PTPRD: variants seen among roughly 807,000 people sequenced by gnomAD.
The protein encoded by PTPRD is protein tyrosine phosphatase receptor type D, also known as receptor-type tyrosine-protein phosphatase delta.
A neutral mutation model predicts 214.5 loss-of-function variants in PTPRD; 34 were observed. That is an observed-to-expected ratio of 0.16 (90% CI 0.12 to 0.21). The LOEUF (loss-of-function observed/expected upper bound fraction) is 0.21. Among genes scored for constraint, PTPRD ranks in the 10% least tolerant of loss-of-function variants. PTPRD has a pLI of 1.00. For synonymous variants in PTPRD, 1,128 were observed against 845.7 expected (o/e 1.33, Z -5.79); for missense variants, 2,545 against 2,398.7 (o/e 1.06, Z -1.27).
At chr9:10,554,611 A>G (rs2062051036) in intron 2 of PTPRD, among the ~76,000 whole-genome samples, 1 of 151,974 alleles carries the variant, frequency 6.6e-6, no homozygotes, top group African/African-American at 2.4e-5. Context: ...ACATTTTTAT[A>G]CATCCCTAAA....
intron 11 of PTPRD, among the ~76,000 whole-genome samples, chr9:8,919,850 C>A (rs895902033): frequency 1.4e-4 from 21 of 150,850 alleles, no homozygotes; most frequent in African/African-American, 4.7e-4. Context: ...GTGCATGTAT[C>A]ATGCATACAT....
At chr9:8,783,264 T>A (rs1334003398) in intron 11 of PTPRD, among the ~76,000 whole-genome samples, 1 of 152,220 alleles carries the variant, frequency 6.6e-6, no homozygotes, top group East Asian at 1.9e-4. Context: ...AGTGAATGAA[T>A]AATGACATAA....
intron 11 of PTPRD, among the ~76,000 whole-genome samples, chr9:8,993,603 A>T (rs1370992193): frequency 2.0e-5 from 3 of 152,124 alleles, no homozygotes; most frequent in Non-Finnish European, 4.4e-5. Flanking sequence ...ATTTTCAGGG[A>T]AAATCAACTA....
At chr9:10,057,849 A>AG (rs1267114765) in intron 3 of PTPRD, among the ~76,000 whole-genome samples, 3 of 115,364 alleles carry the variant, frequency 2.6e-5, no homozygotes, top group African/African-American at 1.5e-4. Context: ...CTCAAAAAAA[A>AG]ACAAAAAAAA....
At chr9:9,228,510 C>CAT (rs2099961000) in intron 9 of PTPRD, among the ~76,000 whole-genome samples, 2 of 151,882 alleles carry the variant, frequency 1.3e-5, no homozygotes, top group South Asian at 2.1e-4. Flanking sequence ...TGTGTGTGAT[C>CAT]ATATATATAA....
At position 8,831,552 on chromosome 9, in the gene PTPRD, T is replaced by C. The variant is rs555300686; in HGVS notation, c.-103-97606A>G. On this transcript the variant is annotated intron_variant, in intron 11 of 45. Transcript: ENST00000381196. ...ATTCAATAAAACCAGTCATTTCAAA[T>C]AGAAAGAGAAACAACTGGGTGAGCA... Among the ~76,000 whole-genome samples, 5 of 152,250 alleles carry C rather than the reference T, an allele frequency of 3.3e-5. No homozygotes were observed. In the South Asian group the frequency reaches 6.2e-4, roughly 19 times the overall value.
At chr9:9,958,439 G>A (rs191857842) in intron 4 of PTPRD, among the ~76,000 whole-genome samples, 93 of 152,256 alleles carry the variant, frequency 6.1e-4, no homozygotes, top group Non-Finnish European at 1.0e-3. Context: ...ACTGAGGCAG[G>A]AGAATTGCTT....
intron 3 of PTPRD, among the ~76,000 whole-genome samples, chr9:10,215,449 T>C (rs1278881876): frequency 1.3e-5 from 2 of 152,122 alleles, no homozygotes; most frequent in African/African-American, 4.8e-5. Flanking sequence ...AAATTTAACC[T>C]CGTGAGACAC....
intron 2 of PTPRD, among the ~76,000 whole-genome samples, chr9:10,560,447 T>A (rs970812084): frequency 6.6e-6 from 1 of 152,028 alleles, no homozygotes; most frequent in African/African-American, 2.4e-5. Context: ...CTGGGAGATA[T>A]ACCTAATGCT....
chr9:8,844,777 G>A (rs1160336416), intron 11 of PTPRD, among the ~76,000 whole-genome samples: 1 of 152,186 alleles, frequency 6.6e-6, no homozygotes, highest in Non-Finnish European at 1.5e-5. Flanking sequence ...TCAATTAACT[G>A]TGGAGCAAAG....
At chr9:9,503,655 G>A (rs2096491574) in intron 8 of PTPRD, among the ~76,000 whole-genome samples, 1 of 151,754 alleles carries the variant, frequency 6.6e-6, no homozygotes, top group Non-Finnish European at 1.5e-5. Context: ...CAAGACTATG[G>A]TAGAAGTGTG....
At chr9:8,562,142 G>A (rs1042437217) in intron 14 of PTPRD, among the ~76,000 whole-genome samples, 2 of 152,114 alleles carry the variant, frequency 1.3e-5, no homozygotes, top group African/African-American at 4.8e-5. Context: ...GACAGATTCT[G>A]ATTTTCCCAT....
intron 9 of PTPRD, among the ~76,000 whole-genome samples, chr9:9,298,765 T>C (rs1480786822): frequency 1.3e-5 from 2 of 151,748 alleles, no homozygotes; most frequent in Non-Finnish European, 2.9e-5. Context: ...CTGAATTATT[T>C]ACATATTGAA....
chr9:9,669,853 A>T (rs947115514), intron 7 of PTPRD, among the ~76,000 whole-genome samples: 1 of 152,106 alleles, frequency 6.6e-6, no homozygotes, highest in Admixed American at 6.6e-5. Context: ...GACTATACAA[A>T]TGTCAATGAT....
chr9:10,141,155 C>CA (rs746364755), intron 3 of PTPRD, among the ~76,000 whole-genome samples: 314 of 152,092 alleles, frequency 2.1e-3, no homozygotes, highest in Middle Eastern at 3.4e-3. Flanking sequence ...ACTGAATGGG[C>CA]AAAAAACTGG....
chr9:9,007,143 C>T (rs1175077517), intron 11 of PTPRD, among the ~76,000 whole-genome samples: 1 of 151,892 alleles, frequency 6.6e-6, no homozygotes, highest in African/African-American at 2.4e-5. Flanking sequence ...TGAAAAGCTA[C>T]ATTAAATTTC....
At chr9:8,691,709 G>T (rs938961207) in intron 12 of PTPRD, among the ~76,000 whole-genome samples, 29 of 152,114 alleles carry the variant, frequency 1.9e-4, no homozygotes, top group African/African-American at 2.2e-4. Context: ...CTCAGTACTT[G>T]CCAGCTTTCT....
chr9:10,488,163 C>T (rs10809098), intron 2 of PTPRD, among the ~76,000 whole-genome samples: 40,970 of 151,416 alleles, frequency 0.27, 6,273 homozygotes, highest in Non-Finnish European at 0.34. Flanking sequence ...GTCAGGAGAT[C>T]GAGACCATCC....
At chr9:8,706,604 G>C (rs990740760) in intron 12 of PTPRD, among the ~76,000 whole-genome samples, 1 of 151,860 alleles carries the variant, frequency 6.6e-6, no homozygotes, top group Non-Finnish European at 1.5e-5. Context: ...TTGAGCTTAA[G>C]AAAAAAAAGC....
Sources: allele counts gnomAD v4.1 joint callset (sites outside exome capture counted in the v4.1 genomes callset), GRCh38; gene constraint gnomAD v4.1.1; transcripts MANE v1.5; gene names NCBI Gene and HGNC (gene_info 2026-07-23, HGNC 2026-07-21).